The following CENPT variants were observed in gnomAD, a reference collection of about 807,000 sequenced individuals.
The protein encoded by CENPT is interphase centromere complex protein 22.
In CENPT, 42 loss-of-function variants were observed where a neutral mutation model predicts 59.7. The ratio of observed to expected loss-of-function variants is 0.70; its 90% CI spans 0.55 to 0.91. CENPT has a LOEUF of 0.91. Among genes scored for constraint, CENPT ranks in the 40% least tolerant of loss-of-function variants. CENPT has a pLI of 0.00. For missense variants in CENPT, 716 were observed against 713.4 expected (o/e 1.00, Z -0.04); for synonymous variants, 295 against 289.6 (o/e 1.02, Z -0.19).
At chr16:67,829,379 C>A in intron 13 of CENPT, 44 bp downstream of exon 13, 4 of 1,484,056 alleles carry the variant, frequency 2.7e-6, no homozygotes, top group South Asian at 2.4e-5. Context: ...ACCCAATGCT[C>A]CCTTCCCAAG....
Position 67,829,851 on chromosome 16 carries a change from A to T in CENPT, c.1100T>A (p.Val367Glu). 1 of 1,613,700 alleles carries T rather than the reference A, an allele frequency of 6.2e-7. No individual in the cohort carries two copies. Among genetic ancestry groups the T allele is most frequent in the Non-Finnish European group, 8.5e-7 (1 of 1,179,906 alleles). ...CCCCTGGGATCCCTCTGCTTCTGTC[A>T]CCTCTGTGTGTCCCTCAGCCTCTTC... is the stretch of plus-strand genomic sequence containing the variant. ...RVEEAEGHTE[V>E]TEAEGSQGTA... Residue 367 changes from valine to glutamate, a missense_variant, in exon 12 of 16, where the codon GTG (valine) becomes GAG (glutamate). Physicochemically the swap from Val to Glu is moderately radical, Grantham distance 121. Transcript: ENST00000562787.
rs141221109 is a variant in CENPT at position 67,829,633 on chromosome 16, C to T, written c.1187-117G>A. The T allele has an allele frequency of 3.2e-3, 4,198 of 1,307,066 alleles. 6 individuals carry two copies. Among genetic ancestry groups the T allele is most frequent in the Non-Finnish European group, 4.1e-3 (3,844 of 940,434 alleles). 81.0% of individuals were successfully genotyped at this position (1,307,066 alleles called of 1,614,324 possible). A position where few individuals can be genotyped will look rare whatever the true frequency, so the allele number is the denominator to read the frequency against. ...TGGGCCCCACCTAGCTCCAGCCAAG[C>T]AGGTGCCCCTCAGTGTCTCCCTGAC... On this transcript the variant is annotated intron_variant, in intron 12 of 15. Coordinates refer to ENST00000562787, the MANE Select transcript of CENPT (RefSeq NM_025082.4).
Position 67,828,794 on chromosome 16 carries a change from G to A in CENPT, c.1330C>T (p.Pro444Ser), listed in dbSNP as rs377360284. The A allele has an allele frequency of 9.4e-6, 15 of 1,600,458 alleles. No homozygotes were observed. The highest frequency in any genetic ancestry group is 1.4e-5 in the African/African-American group (1 of 73,768). The change falls in exon 14 of 16, where the codon CCC becomes TCC. Residue 444 changes from proline (P) to serine (S), a missense_variant. Physicochemically the swap from Pro to Ser is moderately conservative, Grantham distance 74. Coordinates refer to ENST00000562787, the MANE Select transcript of CENPT (RefSeq NM_025082.4). ...CGGGGCCTGGGGCCGGTGGTCCGGG[G>A]CCTAGGGGGATGCCTGACCAACAGA... is the stretch of plus-strand genomic sequence containing the variant. Reference protein sequence around the residue: ...EPLLVRHPPRPRTTGPRPRQD... With the variant: ...EPLLVRHPPRSRTTGPRPRQD...
Position 67,828,587 on chromosome 16 carries a change from A to G in CENPT, c.1458-9T>C. On this transcript the variant is annotated splice_polypyrimidine_tract_variant and intron_variant, in intron 14 of 15. Coordinates refer to ENST00000562787, the MANE Select transcript of CENPT (RefSeq NM_025082.4). ...GGAAATATTTATCTAGGCTGTCAAG[A>G]AGGTGGGGATAGAGCAGGCTGAACA... is the stretch of plus-strand genomic sequence containing the variant. The G allele has an allele frequency of 6.2e-7, 1 of 1,614,108 alleles. No individual in the cohort carries two copies. The highest frequency in any genetic ancestry group is 8.5e-7 in the Non-Finnish European group (1 of 1,180,002).
Position 67,831,281 on chromosome 16 carries a change from G to A in CENPT, c.638C>T (p.Ala213Val). Residue 213 changes from alanine to valine, a missense_variant, in exon 10 of 16, where the codon GCC becomes GTC. Transcript: ENST00000562787. ...QRPGLARRPPARRAVDVGAFL... is the reference protein window; with the variant it reads ...QRPGLARRPPVRRAVDVGAFL... ...GGCACCCACGTCTACAGCTCGGCGG[G>A]CTGGAGGTCTGCGGGCCAAGCCAGG... 1 of 1,614,188 alleles carries A rather than the reference G, an allele frequency of 6.2e-7. No homozygotes were observed. The highest frequency in any genetic ancestry group is 8.5e-7 in the Non-Finnish European group (1 of 1,180,016).
chr16:67,843,625 C>T lies in CENPT; in HGVS notation c.-492+3776G>A, dbSNP rs891063344. On this transcript the variant is annotated intron_variant, in intron 1 of 15. Coordinates refer to ENST00000562787, the MANE Select transcript of CENPT (RefSeq NM_025082.4). The surrounding 1 kb of genome is among the most constrained non-coding windows in gnomAD (Gnocchi z 5.7). ...TACTGAGGCTTAAGGCAGCTGGACT[C>T]TCTTGCTGGTGACCTGGCATCCTCA... 6 of 968,808 alleles carry T rather than the reference C, an allele frequency of 6.2e-6. No homozygotes were observed. Among genetic ancestry groups the T allele is most frequent in the Admixed American group, 3.1e-5 (1 of 32,704 alleles). 60.0% of individuals were successfully genotyped at this position (968,808 alleles called of 1,614,324 possible).
rs2057687101 is a variant in CENPT at position 67,831,362 on chromosome 16, G to A, written c.561-4C>T. ...GGCAAAGGTCAGGTTGAGGGATCTG[G>A]TGAGGTGGGGAGGCACAGAGGAAAG... On this transcript the variant is annotated splice_region_variant and splice_polypyrimidine_tract_variant and intron_variant, in intron 9 of 15. Coordinates refer to ENST00000562787, the MANE Select transcript of CENPT (RefSeq NM_025082.4). The A allele has an allele frequency of 6.2e-7, 1 of 1,612,778 alleles. No homozygotes were observed. The highest frequency in any genetic ancestry group is 8.5e-7 in the Non-Finnish European group (1 of 1,179,044).
rs1491289579 is a variant in CENPT, at chr16:67,842,937, AGC to A, written c.-492+4462_-492+4463del. The A allele has an allele frequency of 4.4e-6, 7 of 1,608,874 alleles. No homozygotes were observed. The African/African-American group carries it at 6.7e-5, about 15-fold the overall frequency. The stretch of plus-strand genomic sequence containing the variant: ...CAGCAGCAACAGCAGCAGCAGCAGC[AGC>A]AGCAGCAGCAGTCCTCACCCTCTGC... On this transcript the variant is annotated intron_variant, in intron 1 of 15. Transcript: ENST00000562787. The surrounding 1 kb of genome is among the most constrained non-coding windows in gnomAD (Gnocchi z 4.9).
Position 67,831,223 on chromosome 16 carries a change from A to T in CENPT, c.696T>A (p.Ala232=). The T allele has an allele frequency of 6.2e-7, 1 of 1,613,956 alleles. No homozygotes were observed. Among genetic ancestry groups the T allele is most frequent in the Non-Finnish European group, 8.5e-7 (1 of 1,179,992 alleles). The change falls in exon 10 of 16, where the codon GCT becomes GCA. Residue 232 remains alanine, a synonymous_variant. Coordinates refer to ENST00000562787, the MANE Select transcript of CENPT (RefSeq NM_025082.4). ...FLRDLRDTSL[A]PPNIVLEDTQ... ...GGGAAAACCCAACCTTACTTGGAGG[A>T]GCCAGGGAAGTATCTCGCAGATCCC...
chr16:67,829,123 T>A, intron 13 of CENPT: 1 of 516,980 alleles, frequency 1.9e-6, no homozygotes, highest in Non-Finnish European at 3.4e-6. Flanking sequence ...GGCCTTAGAA[T>A]GGATAGTCTC....
Position 67,833,853 on chromosome 16 carries a change from C to T in CENPT, c.7G>A (p.Asp3Asn). 1 of 1,544,108 alleles carries T rather than the reference C, an allele frequency of 6.5e-7. No homozygotes were observed. Among genetic ancestry groups the T allele is most frequent in the Non-Finnish European group, 8.7e-7 (1 of 1,148,130 alleles). MADHNPDSDSTPR... is the reference protein window; with the variant it reads MANHNPDSDSTPR... ...GTGGAGTCGCTGTCAGGGTTGTGGT[C>T]AGCCATCGTCTCGGCCCCGGGCCCT... is the stretch of plus-strand genomic sequence containing the variant. The change falls in exon 4 of 16, where the codon GAC (aspartate) becomes AAC (asparagine). Residue 3 changes from aspartate (D) to asparagine (N), a missense_variant. Asp to Asn is a conservative substitution (Grantham distance 23). Coordinates refer to ENST00000562787, the MANE Select transcript of CENPT (RefSeq NM_025082.4).
chr16:67,831,094 C>T, intron 10 of CENPT, 122 bp downstream of exon 10: 1 of 1,296,994 alleles, frequency 7.7e-7, no homozygotes, highest in Non-Finnish European at 1.1e-6. Context: ...ACCCACTGAC[C>T]AGAGTTGCTC....
At chr16:67,832,393 G>A (rs2057701515) in intron 5 of CENPT, 62 bp downstream of exon 5, 1 of 1,607,766 alleles carries the variant, frequency 6.2e-7, no homozygotes, top group Admixed American at 1.7e-5. Context: ...AGCAGAGCTA[G>A]ACCTCAACCC....
Position 67,832,092 on chromosome 16 carries a change from G to A in CENPT, c.306C>T (p.Ile102=). 2 of 1,612,252 alleles carry A rather than the reference G, an allele frequency of 1.2e-6. No individual in the cohort carries two copies. Among genetic ancestry groups the A allele is most frequent in the Non-Finnish European group, 1.7e-6 (2 of 1,178,658 alleles). ...GCTTCACTACCGACTCAGGCATCAGGATGGAAGATTCTGGGGCTGCAGAAA... is the reference window on the plus strand; with the variant it reads ...GCTTCACTACCGACTCAGGCATCAGAATGGAAGATTCTGGGGCTGCAGAAA... The part of the protein sequence containing the change: ...NILLTAPESS[I]LMPESVVKPV... The change falls in exon 7 of 16, where the codon ATC becomes ATT. Residue 102 remains isoleucine, a synonymous_variant. Coordinates refer to ENST00000562787, the MANE Select transcript of CENPT (RefSeq NM_025082.4).
intron 1 of CENPT, among the ~76,000 whole-genome samples, chr16:67,845,248 A>G (rs1028123161): frequency 1.3e-5 from 2 of 152,214 alleles, no homozygotes; most frequent in Non-Finnish European, 2.9e-5. Flanking sequence ...TTCAGACCCC[A>G]TAAAATATGA....
chr16:67,829,815 G>C lies in CENPT; in HGVS notation c.1136C>G (p.Ala379Gly). The C allele has an allele frequency of 6.2e-7, 1 of 1,614,174 alleles. No individual in the cohort carries two copies. The highest frequency in any genetic ancestry group is 1.1e-5 in the South Asian group (1 of 91,084). Residue 379 changes from alanine to glycine, a missense_variant, in exon 12 of 16, where the codon GCT becomes GGT. By Grantham distance (60) the Ala-to-Gly change is moderately conservative (BLOSUM62 0). Transcript: ENST00000562787. ...CCCTGAAGATGCTCCTGGCCCGTCA[G>C]CCTCAGCAGTCCCCTGGGATCCCTC... ...EAEGSQGTAE[A>G]DGPGASSGDE...
At position 67,847,581 on chromosome 16, in the gene CENPT, G is replaced by C. The variant is rs922802660; in HGVS notation, c.-672C>G. ...CCCTCGGAAGTGTACGTTTCTTACC[G>C]CGCCCTTTGTGGAGCCCGGACTGGA... is the stretch of plus-strand genomic sequence containing the variant. On this transcript the variant is annotated 5_prime_UTR_variant, in exon 1 of 16. Transcript: ENST00000562787. The C allele has an allele frequency of 2.6e-5, 4 of 152,418 alleles. No individual in the cohort carries two copies. The highest frequency in any genetic ancestry group is 4.4e-5 in the Non-Finnish European group (3 of 68,186). 9.4% of individuals were successfully genotyped at this position (152,418 alleles called of 1,614,324 possible).
intron 1 of CENPT, among the ~76,000 whole-genome samples, chr16:67,841,010 C>CATACATATATAT (rs1256263734): frequency 6.9e-4 from 75 of 109,366 alleles, no homozygotes; most frequent in South Asian, 1.7e-3. Flanking sequence ...ATACAAAATA[C>CATACATATATAT]ATATATATAT....
rs1301592631 is a variant in CENPT, at chr16:67,830,417, T to G, written c.835A>C (p.Ser279Arg). 6.2e-7 allele frequency: 1 copy of G among 1,613,690 alleles called. No homozygotes were observed. The highest frequency in any genetic ancestry group is 2.2e-5 in the East Asian group (1 of 44,886). ...TTCTTCTGCAGCCCAGGCCCACTGC[T>G]CTGTGTCTTGCGACCGGCAGCCTGC... ...AEQAAGRKTQ[S>R]SGPGLQKNSP... The change falls in exon 11 of 16, where the codon AGC becomes CGC. Residue 279 changes from serine (S) to arginine (R), a missense_variant. By Grantham distance (110) the Ser-to-Arg change is moderately radical. Coordinates refer to ENST00000562787, the MANE Select transcript of CENPT (RefSeq NM_025082.4).
Sources: allele counts gnomAD v4.1 joint callset (sites outside exome capture counted in the v4.1 genomes callset), GRCh38; gene constraint gnomAD v4.1.1; non-coding constraint Gnocchi (gnomAD v3.1); transcripts MANE v1.5; gene names NCBI Gene and HGNC (gene_info 2026-07-23, HGNC 2026-07-21).